Variants in EIF4G3 observed in about 807,000 individuals in gnomAD.
The protein encoded by EIF4G3 is eukaryotic translation initiation factor 4 gamma 3.
Under a neutral mutation model 186.4 loss-of-function variants are expected in EIF4G3, and 34 were observed. The observed-to-expected ratio is 0.18, with a 90% CI of 0.14 to 0.24. The LOEUF (loss-of-function observed/expected upper bound fraction) is 0.24. EIF4G3 is among the 10% of genes least tolerant of loss of function. EIF4G3 has a pLI of 1.00. For synonymous variants in EIF4G3, 673 were observed against 679.5 expected, an observed-to-expected ratio of 0.99 and a Z score of 0.15; for missense variants, 1,536 against 1,948.5, an observed-to-expected ratio of 0.79 and a Z score of 3.99.
chr1:21,033,696 T>C lies in EIF4G3; in HGVS notation c.-67+17170A>G, dbSNP rs142792480. On this transcript the variant is annotated intron_variant, in intron 4 of 36. Coordinates refer to ENST00000602326, the MANE Select transcript of EIF4G3 (RefSeq NM_001391906.1). The stretch of plus-strand genomic sequence containing the variant: ...TTTATGTAATGCAGCCTTTATACTA[T>C]AGCAAACTGAAAATTCTTTTCCACA... 4.3e-4 allele frequency among the ~76,000 whole-genome samples: 65 copies of C among 152,314 alleles called. 1 individual carries two copies. Among genetic ancestry groups the C allele is most frequent in the South Asian group, 1.7e-3 (8 of 4,830 alleles).
chr1:20,939,949 G>C (rs12038430), intron 14 of EIF4G3, among the ~76,000 whole-genome samples: 1 of 146,646 alleles, frequency 6.8e-6, no homozygotes, highest in Non-Finnish European at 1.5e-5. Context: ...CTGCCTCCCA[G>C]GTTCAAGCAA....
At position 20,849,524 on chromosome 1, in the gene EIF4G3, G is replaced by T; in HGVS notation, c.3779C>A (p.Pro1260Gln). 2 of 1,517,836 alleles carry T rather than the reference G, an allele frequency of 1.3e-6. No individual in the cohort carries two copies. The highest frequency in any genetic ancestry group is 8.8e-7 in the Non-Finnish European group (1 of 1,137,272). The allele number at this position is 1,517,836 out of a possible 1,614,324, so 94.0% of individuals were successfully genotyped here. The change falls in exon 29 of 37, where the codon CCA (proline) becomes CAA (glutamine). Residue 1260 changes from proline to glutamine, a missense_variant. Pro to Gln is a moderately conservative substitution (Grantham distance 76). This residue lies in a region of EIF4G3 where 395 missense variants were observed against 498.9 expected (regional missense o/e 0.79). Transcript: ENST00000602326. ...ERNKTRESAK[P>Q]EISAMSAHDK... ...ATGAGCTGACATTGCTGAAATTTCT[G>T]GTTTTGCTATTAGTGAGGCCCCCCA...
chr1:21,156,150 A>C (rs2097657813), intron 2 of EIF4G3, among the ~76,000 whole-genome samples: 1 of 151,910 alleles, frequency 6.6e-6, no homozygotes. Flanking sequence ...AACAACAAAA[A>C]AAAACTCAAG....
chr1:20,938,221 G>T (rs1045954965), intron 14 of EIF4G3, among the ~76,000 whole-genome samples: 1 of 151,914 alleles, frequency 6.6e-6, no homozygotes, highest in Admixed American at 6.6e-5. Context: ...TCCCAAACTC[G>T]TGACCTCAGG....
intron 4 of EIF4G3, among the ~76,000 whole-genome samples, chr1:21,024,948 A>G (rs72988025): frequency 0.33 from 50,523 of 151,572 alleles, 9,170 homozygotes; most frequent in Non-Finnish European, 0.41. Flanking sequence ...TAATATATCA[A>G]GAAGTACAGA....
At chr1:20,865,339 A>T in intron 20 of EIF4G3, 77 bp from the exon 21 acceptor site, 1 of 1,519,198 alleles carries the variant, frequency 6.6e-7, no homozygotes, top group Non-Finnish European at 8.9e-7. Context: ...GCTTTATTGT[A>T]TGAAATAATG....
At chr1:21,137,277 G>A (rs2097262940) in intron 2 of EIF4G3, among the ~76,000 whole-genome samples, 1 of 151,538 alleles carries the variant, frequency 6.6e-6, no homozygotes, top group African/African-American at 2.4e-5. Flanking sequence ...ATGACTACCT[G>A]GGGCTACAGG....
At chr1:21,053,479 G>A (rs1348646475) in intron 3 of EIF4G3, among the ~76,000 whole-genome samples, 5 of 147,154 alleles carry the variant, frequency 3.4e-5, no homozygotes, top group African/African-American at 7.6e-5. Flanking sequence ...GCCTCTGCCC[G>A]GCCGCCCCTA....
At chr1:20,892,699 G>A in intron 18 of EIF4G3, 2 of 1,535,992 alleles carry the variant, frequency 1.3e-6, no homozygotes, top group Non-Finnish European at 1.7e-6. Flanking sequence ...TCCAGAATTG[G>A]CAATCCATGC....
intron 2 of EIF4G3, among the ~76,000 whole-genome samples, chr1:21,138,512 G>A (rs1250823629): frequency 1.3e-5 from 2 of 152,176 alleles, no homozygotes; most frequent in Admixed American, 1.3e-4. Context: ...AAATATGAAT[G>A]ATCTTAATTA....
intron 19 of EIF4G3, among the ~76,000 whole-genome samples, chr1:20,882,394 C>A (rs2082662311): frequency 6.6e-6 from 1 of 152,020 alleles, no homozygotes; most frequent in South Asian, 2.1e-4. Context: ...CCAAGGAGGG[C>A]AGATCACTTG....
chr1:21,131,371 A>G (rs1056333055), intron 2 of EIF4G3, among the ~76,000 whole-genome samples: 5 of 151,568 alleles, frequency 3.3e-5, no homozygotes, highest in Admixed American at 6.6e-5. Context: ...AAATGGTATA[A>G]TATATGTATA....
intron 2 of EIF4G3, among the ~76,000 whole-genome samples, chr1:21,109,106 T>G (rs2096669699): frequency 6.6e-6 from 1 of 152,038 alleles, no homozygotes; most frequent in East Asian, 1.9e-4. Context: ...TAATCCCAGC[T>G]ACTCAGTAGG....
chr1:21,067,765 G>A, intron 3 of EIF4G3, among the ~76,000 whole-genome samples: 1 of 151,972 alleles, frequency 6.6e-6, no homozygotes, highest in East Asian at 1.9e-4. Flanking sequence ...CCACTGCAAG[G>A]GGAAAATCTG....
intron 4 of EIF4G3, among the ~76,000 whole-genome samples, chr1:21,049,147 A>C (rs1051728136): frequency 6.6e-6 from 1 of 152,170 alleles, no homozygotes; most frequent in African/African-American, 2.4e-5. Context: ...CTTGGCTATA[A>C]GAGATTGGTG....
chr1:21,126,097 C>T (rs980854996), intron 2 of EIF4G3, among the ~76,000 whole-genome samples: 1 of 151,686 alleles, frequency 6.6e-6, no homozygotes, highest in Non-Finnish European at 1.5e-5. Flanking sequence ...GTCCCAGCTA[C>T]ACAGGAGGCT....
intron 14 of EIF4G3, among the ~76,000 whole-genome samples, chr1:20,913,271 C>CA (rs1295791861): frequency 5.9e-5 from 9 of 152,138 alleles, no homozygotes; most frequent in Non-Finnish European, 1.0e-4. Context: ...TAAATTCTAT[C>CA]AAAAACAGCC....
intron 4 of EIF4G3, among the ~76,000 whole-genome samples, chr1:21,031,573 A>C (rs1001926049): frequency 1.3e-5 from 2 of 150,796 alleles, no homozygotes; most frequent in African/African-American, 4.8e-5. Flanking sequence ...GTGTTACATA[A>C]ATTTCCACAG....
intron 10 of EIF4G3, among the ~76,000 whole-genome samples, chr1:20,975,957 T>C (rs894015388): frequency 2.6e-5 from 4 of 151,926 alleles, no homozygotes; most frequent in Non-Finnish European, 5.9e-5. Flanking sequence ...ACAGAGACCA[T>C]ACAGCCTGCA....
Sources: allele counts gnomAD v4.1 joint callset (sites outside exome capture counted in the v4.1 genomes callset), GRCh38; gene constraint gnomAD v4.1.1; regional missense constraint gnomAD v4.1.1; transcripts MANE v1.5; gene names NCBI Gene and HGNC (gene_info 2026-07-23, HGNC 2026-07-21).